CDH9: variants seen among roughly 807,000 people sequenced by gnomAD.
CDH9 encodes cadherin-9.
Under a neutral mutation model 70.9 loss-of-function variants are expected in CDH9, and 28 were observed. The observed-to-expected ratio is 0.40, with a 90% CI of 0.29 to 0.54. The LOEUF (loss-of-function observed/expected upper bound fraction) is 0.54. Ranked by LOEUF, CDH9 falls within the 20% of genes least tolerant of loss-of-function variation. CDH9 has a pLI of 0.59. For synonymous variants in CDH9, 409 were observed against 343.1 expected, an observed-to-expected ratio of 1.19 and a Z score of -2.12; for missense variants, 874 against 984.4, an observed-to-expected ratio of 0.89 and a Z score of 1.50.
intron 2 of CDH9, among the ~76,000 whole-genome samples, chr5:26,984,600 G>T (rs1472215093): frequency 1.3e-5 from 2 of 152,102 alleles, no homozygotes; most frequent in Admixed American, 6.6e-5. Context: ...AAAATAAAGT[G>T]CTATAAAGAT....
At chr5:26,979,227 C>G (rs1345213301) in intron 2 of CDH9, among the ~76,000 whole-genome samples, 1 of 151,396 alleles carries the variant, frequency 6.6e-6, no homozygotes, top group African/African-American at 2.4e-5. Flanking sequence ...AGAACAAAGT[C>G]TTGCAAGATA....
intron 2 of CDH9, among the ~76,000 whole-genome samples, chr5:26,947,743 C>T (rs1741778331): frequency 6.6e-6 from 1 of 152,056 alleles, no homozygotes; most frequent in Non-Finnish European, 1.5e-5. Context: ...CAGATGTGCA[C>T]ACCACATAGG....
chr5:27,004,565 A>C (rs936806970), intron 1 of CDH9, among the ~76,000 whole-genome samples: 9 of 152,138 alleles, frequency 5.9e-5, no homozygotes, highest in African/African-American at 2.2e-4. Flanking sequence ...ATCCTGGTCA[A>C]CAAAAGGCAA....
At chr5:27,019,703 C>A (rs996410679) in intron 1 of CDH9, among the ~76,000 whole-genome samples, 1 of 151,614 alleles carries the variant, frequency 6.6e-6, no homozygotes, top group African/African-American at 2.4e-5. Context: ...ATTGGTCATT[C>A]AATTATGAAA....
chr5:26,988,326 G>A lies in CDH9; in HGVS notation c.8C>T (p.Thr3Ile), dbSNP rs1327179956. 4 of 1,609,346 alleles carry A rather than the reference G, an allele frequency of 2.5e-6. No homozygotes were observed. Among genetic ancestry groups the A allele is most frequent in the Non-Finnish European group, 2.5e-6 (3 of 1,176,676 alleles). Residue 3 changes from threonine (T) to isoleucine (I), a missense_variant, in exon 2 of 12, where the codon ACT (threonine) becomes ATT (isoleucine). Coordinates refer to ENST00000231021, the MANE Select transcript of CDH9 (RefSeq NM_016279.4). MR[T>I]YHYIPLFIWT... is the part of the protein sequence containing the mutation. Reference sequence around the variant, plus strand: ...GATGAATAATGGTATATAATGGTAAGTCCTCATTATCTGCAACTTCAGTGG... The same window carrying A: ...GATGAATAATGGTATATAATGGTAAATCCTCATTATCTGCAACTTCAGTGG...
intron 1 of CDH9, among the ~76,000 whole-genome samples, chr5:27,000,405 T>C (rs1742743655): frequency 6.6e-6 from 1 of 152,156 alleles, no homozygotes; most frequent in African/African-American, 2.4e-5. Context: ...ACTCTTTCGC[T>C]GCTGATGAGA....
At chr5:26,882,839 T>C (rs573970191) in intron 11 of CDH9, among the ~76,000 whole-genome samples, 1 of 151,568 alleles carries the variant, frequency 6.6e-6, no homozygotes, top group Non-Finnish European at 1.5e-5. Context: ...ATACTCATTG[T>C]CATTGAGACT....
intron 1 of CDH9, among the ~76,000 whole-genome samples, chr5:27,005,164 A>G (rs1386326720): frequency 6.6e-6 from 1 of 152,146 alleles, no homozygotes; most frequent in Non-Finnish European, 1.5e-5. Flanking sequence ...AGCAAAATAC[A>G]TTCAATTCTT....
At chr5:26,945,057 C>T (rs1741726463) in intron 2 of CDH9, among the ~76,000 whole-genome samples, 1 of 152,070 alleles carries the variant, frequency 6.6e-6, no homozygotes. Context: ...GTTGCCATCT[C>T]ATGTTTTATA....
chr5:26,969,067 C>A (rs1742175098), intron 2 of CDH9, among the ~76,000 whole-genome samples: 1 of 152,110 alleles, frequency 6.6e-6, no homozygotes, highest in African/African-American at 2.4e-5. Flanking sequence ...ATCCTCATAT[C>A]ATTTATGTAG....
intron 1 of CDH9, among the ~76,000 whole-genome samples, chr5:27,007,837 C>G (rs1742892871): frequency 6.6e-6 from 1 of 151,968 alleles, no homozygotes; most frequent in African/African-American, 2.4e-5. Flanking sequence ...ATTTCTCATA[C>G]TGCTGTGAAT....
chr5:26,934,754 A>T (rs1486048853), intron 2 of CDH9, among the ~76,000 whole-genome samples: 1 of 152,224 alleles, frequency 6.6e-6, no homozygotes, highest in Non-Finnish European at 1.5e-5. Context: ...ATGAATTAAC[A>T]ATTAATATCC....
At chr5:27,037,996 TA>T (rs1181769016) in intron 1 of CDH9, among the ~76,000 whole-genome samples, 3 of 151,942 alleles carry the variant, frequency 2.0e-5, no homozygotes, top group African/African-American at 7.2e-5. Flanking sequence ...CTTATTCAAT[TA>T]TTAATAAAGA....
At chr5:26,883,721 T>C (rs187381085) in intron 11 of CDH9, among the ~76,000 whole-genome samples, 2 of 152,136 alleles carry the variant, frequency 1.3e-5, no homozygotes, top group South Asian at 4.1e-4. Context: ...TTGTCTTACA[T>C]GTTTTACTCT....
chr5:27,020,830 T>C (rs555988862), intron 1 of CDH9, among the ~76,000 whole-genome samples: 18 of 151,676 alleles, frequency 1.2e-4, no homozygotes, highest in Non-Finnish European at 8.9e-5. Context: ...AGCTAGTACA[T>C]AGTTCATGGG....
chr5:27,015,516 G>T (rs1330761656), intron 1 of CDH9, among the ~76,000 whole-genome samples: 3 of 151,594 alleles, frequency 2.0e-5, no homozygotes, highest in African/African-American at 7.3e-5. Flanking sequence ...TGTTTAAGCA[G>T]CATCATTAGT....
chr5:27,023,781 G>A (rs1397112201), intron 1 of CDH9, among the ~76,000 whole-genome samples: 1 of 151,998 alleles, frequency 6.6e-6, no homozygotes, highest in Non-Finnish European at 1.5e-5. Flanking sequence ...GCCAGGCATG[G>A]TGGCTCAAGC....
intron 2 of CDH9, among the ~76,000 whole-genome samples, chr5:26,931,986 C>A (rs1338352502): frequency 6.6e-6 from 1 of 151,986 alleles, no homozygotes; most frequent in Non-Finnish European, 1.5e-5. Flanking sequence ...AAGATAATTA[C>A]AAATAAATGT....
intron 1 of CDH9, among the ~76,000 whole-genome samples, chr5:27,014,423 A>G (rs1014415918): frequency 6.6e-6 from 1 of 151,954 alleles, no homozygotes; most frequent in African/African-American, 2.4e-5. Flanking sequence ...ATCCTGTGAA[A>G]GCTGGACTTT....
Sources: gnomAD v4.1 joint callset for allele counts (sites outside exome capture counted in the v4.1 genomes callset) on GRCh38, gnomAD v4.1.1 for gene constraint, MANE v1.5 for transcripts, NCBI Gene and HGNC (gene_info 2026-07-23, HGNC 2026-07-21) for gene names.